The following FAM13A variants were observed in gnomAD, a reference collection of about 807,000 sequenced individuals.
FAM13A encodes the protein protein FAM13A.
In FAM13A, 76 loss-of-function variants were observed where a neutral mutation model predicts 129.6. That is an observed-to-expected ratio of 0.59 (90% confidence interval 0.49 to 0.71). The LOEUF (loss-of-function observed/expected upper bound fraction) is 0.71. Ranked by LOEUF, FAM13A falls within the 30% of genes least tolerant of loss-of-function variation. The pLI, the probability that FAM13A is intolerant of heterozygous loss-of-function variation, is 0.00. For synonymous variants in FAM13A, 443 were observed against 449.9 expected (o/e 0.98, Z 0.20); for missense variants, 1,108 against 1,249.3 (o/e 0.89, Z 1.70).
intron 6 of FAM13A, among the ~76,000 whole-genome samples, chr4:88,886,934 A>G (rs1744522914): frequency 6.6e-6 from 1 of 152,074 alleles, no homozygotes; most frequent in Non-Finnish European, 1.5e-5. Context: ...AAATTATGAT[A>G]TATATATTAC....
intron 6 of FAM13A, among the ~76,000 whole-genome samples, chr4:88,892,077 G>A (rs1026015939): frequency 6.6e-6 from 1 of 152,014 alleles, no homozygotes; most frequent in African/African-American, 2.4e-5. Context: ...GGGAGTCTGA[G>A]GCAGGCAGAT....
intron 4 of FAM13A, among the ~76,000 whole-genome samples, chr4:88,973,131 AT>A (rs70959640): frequency 0.11 from 15,446 of 134,380 alleles, 779 homozygotes; most frequent in African/African-American, 0.16. Context: ...CCTAGGCATA[AT>A]TTTTTTTTTT....
At chr4:88,917,456 GAGAC>G (rs1456491754) in intron 5 of FAM13A, among the ~76,000 whole-genome samples, 10 of 152,060 alleles carry the variant, frequency 6.6e-5, no homozygotes, top group African/African-American at 2.4e-4. Context: ...AGATTTTGTG[GAGAC>G]AAACAAACCA....
At chr4:88,753,536 T>C (rs1743059322) in intron 14 of FAM13A, 2 of 221,772 alleles carry the variant, frequency 9.0e-6, no homozygotes, top group Admixed American at 6.5e-5. Context: ...AATGTAAAAC[T>C]ATATGAGTTT....
chr4:88,968,665 T>G (rs1560581028), intron 4 of FAM13A, among the ~76,000 whole-genome samples: 1 of 152,138 alleles, frequency 6.6e-6, no homozygotes, highest in Non-Finnish European at 1.5e-5. Flanking sequence ...AATCCCCTTT[T>G]CTCCCACCCC....
At chr4:88,886,214 C>A (rs567415145) in intron 6 of FAM13A, among the ~76,000 whole-genome samples, 1 of 152,336 alleles carries the variant, frequency 6.6e-6, no homozygotes, top group South Asian at 2.1e-4. Flanking sequence ...AATACTTCCA[C>A]ACGCATGTTT....
intron 3 of FAM13A, among the ~76,000 whole-genome samples, chr4:89,015,466 T>C (rs1038534460): frequency 8.5e-5 from 13 of 152,194 alleles, no homozygotes; most frequent in Admixed American, 7.2e-4. Flanking sequence ...TTGTACTCTT[T>C]CCCTTTATTT....
intron 5 of FAM13A, among the ~76,000 whole-genome samples, chr4:88,935,927 T>TAA (rs35482575): frequency 1.3e-5 from 2 of 151,990 alleles, no homozygotes; most frequent in African/African-American, 2.4e-5. Context: ...CGAGATCAGT[T>TAA]AAAAAAAATG....
intron 1 of FAM13A, among the ~76,000 whole-genome samples, chr4:89,048,246 T>C (rs907487588): frequency 2.6e-5 from 4 of 152,170 alleles, no homozygotes; most frequent in Non-Finnish European, 5.9e-5. Context: ...CAAGGATCTA[T>C]CAGTGAATGA....
At chr4:88,886,644 C>T (rs898831317) in intron 6 of FAM13A, among the ~76,000 whole-genome samples, 2 of 151,204 alleles carry the variant, frequency 1.3e-5, no homozygotes, top group African/African-American at 2.4e-5. Flanking sequence ...CAGTGGCTCA[C>T]GCCTATAATC....
intron 3 of FAM13A, among the ~76,000 whole-genome samples, chr4:88,996,761 A>C (rs2149039685): frequency 6.6e-6 from 1 of 152,234 alleles, no homozygotes; most frequent in African/African-American, 2.4e-5. Flanking sequence ...AGTAAAAAAA[A>C]AAATCTATAA....
chr4:88,908,731 C>T (rs1205862881), intron 5 of FAM13A, among the ~76,000 whole-genome samples: 1 of 152,312 alleles, frequency 6.6e-6, no homozygotes, highest in Middle Eastern at 3.4e-3. Context: ...TGAGAATGAA[C>T]TGGCAGATAA....
intron 17 of FAM13A, among the ~76,000 whole-genome samples, chr4:88,748,082 C>T (rs12152672): frequency 0.38 from 57,836 of 151,692 alleles, 13,515 homozygotes; most frequent in Non-Finnish European, 0.52. Context: ...TTAGTAGAGA[C>T]GGGGTTTCAC....
intron 13 of FAM13A, among the ~76,000 whole-genome samples, chr4:88,761,888 T>C (rs1744885164): frequency 6.6e-6 from 1 of 152,088 alleles, no homozygotes; most frequent in African/African-American, 2.4e-5. Context: ...GAAACTATGG[T>C]GGACAAAATA....
intron 4 of FAM13A, among the ~76,000 whole-genome samples, chr4:88,945,990 G>GTGTGTGTGTGTGTGTGTATATA: frequency 4.8e-5 from 3 of 61,962 alleles, no homozygotes; most frequent in Non-Finnish European, 8.6e-5. Flanking sequence ...GTGTGTGTGT[G>GTGTGTGTGTGTGTGTGTATATA]TATATATATA....
chr4:88,876,378 G>C (rs1011866880), intron 6 of FAM13A, among the ~76,000 whole-genome samples: 1 of 151,876 alleles, frequency 6.6e-6, no homozygotes, highest in African/African-American at 2.4e-5. Flanking sequence ...TTTAACTGGA[G>C]AAGAAGATAG....
At chr4:88,797,273 G>GTTTTT (rs34600800) in intron 8 of FAM13A, among the ~76,000 whole-genome samples, 2 of 143,124 alleles carry the variant, frequency 1.4e-5, no homozygotes, top group Non-Finnish European at 1.5e-5. Flanking sequence ...AGTTTTGTGG[G>GTTTTT]TTTTTTTTTT....
In FAM13A at chr4:88,749,811, C is replaced by T. The variant is rs779417543; in HGVS notation, c.2039G>A (p.Arg680Gln). The change falls in exon 16 of 24, where the codon CGG becomes CAG. Residue 680 changes from arginine to glutamine, a missense_variant. Transcript: ENST00000264344. ...TTCTTCGAATCTATCTTCAAACTTC[C>T]GGATCTTCTTTTTAAGGCTCTGAAT... Reference protein sequence around the residue: ...RRIQSLKKKIRKFEDRFEEEK... With the variant: ...RRIQSLKKKIQKFEDRFEEEK... The T allele has an allele frequency of 1.4e-5, 23 of 1,613,988 alleles. No homozygotes were observed. In the Middle Eastern group the frequency reaches 4.9e-4, roughly 35 times the overall value.
intron 5 of FAM13A, among the ~76,000 whole-genome samples, chr4:88,913,222 GGAAGAGGAA>G (rs202042387): frequency 0.014 from 1,241 of 86,016 alleles, 164 homozygotes; most frequent in Non-Finnish European, 0.021. Flanking sequence ...AGGAGGAAGA[GGAAGAGGAA>G]GAAGAGGAGG....
Sources: gnomAD v4.1 joint callset for allele counts (sites outside exome capture counted in the v4.1 genomes callset) on GRCh38, gnomAD v4.1.1 for gene constraint, MANE v1.5 for transcripts, NCBI Gene and HGNC (gene_info 2026-07-23, HGNC 2026-07-21) for gene names.